Variants in LPP observed in about 807,000 individuals in gnomAD.
The protein encoded by LPP is LIM domain containing preferred translocation partner in lipoma.
In LPP, 38 loss-of-function variants were observed where a neutral mutation model predicts 60.4. The ratio of observed to expected loss-of-function variants is 0.63; its 90% CI spans 0.49 to 0.83. The LOEUF is 0.83. Among genes scored for constraint, LPP ranks in the 40% least tolerant of loss-of-function variants. The pLI is 0.00. For synonymous variants in LPP, 328 were observed against 290.8 expected (o/e 1.13, Z -1.30); for missense variants, 902 against 783.6 (o/e 1.15, Z -1.80).
At chr3:188,635,118 TC>T (rs1434039218) in intron 7 of LPP, among the ~76,000 whole-genome samples, 1 of 152,200 alleles carries the variant, frequency 6.6e-6, no homozygotes, top group Non-Finnish European at 1.5e-5. Flanking sequence ...CTTTATGGGC[TC>T]CATGTTTAAA....
intron 5 of LPP, among the ~76,000 whole-genome samples, chr3:188,499,979 T>A (rs975768480): frequency 1.3e-5 from 2 of 152,164 alleles, no homozygotes; most frequent in African/African-American, 4.8e-5. Context: ...CTTGGCTAAA[T>A]TCACTATTTA....
chr3:188,714,614 G>A (rs1422727679), intron 8 of LPP, among the ~76,000 whole-genome samples: 1 of 151,904 alleles, frequency 6.6e-6, no homozygotes, highest in Non-Finnish European at 1.5e-5. Context: ...CTTCTGGAAA[G>A]GTGATAGTTT....
chr3:188,178,221 G>A (rs1259621329), intron 1 of LPP, among the ~76,000 whole-genome samples: 2 of 152,148 alleles, frequency 1.3e-5, no homozygotes, highest in African/African-American at 2.4e-5. Context: ...AGGCAGGTTG[G>A]GAATTCTGGC....
intron 9 of LPP, among the ~76,000 whole-genome samples, chr3:188,801,501 A>G (rs1221273156): frequency 6.6e-6 from 1 of 152,174 alleles, no homozygotes; most frequent in Non-Finnish European, 1.5e-5. Context: ...TAGTCCATAG[A>G]TGATGCATTT....
At chr3:188,270,868 T>C (rs553991060) in intron 2 of LPP, among the ~76,000 whole-genome samples, 1 of 152,336 alleles carries the variant, frequency 6.6e-6, no homozygotes, top group East Asian at 1.9e-4. Context: ...TAAGAAATTG[T>C]TCTTGCAGTC....
chr3:188,601,391 T>G (rs1841140329), intron 6 of LPP, among the ~76,000 whole-genome samples: 2 of 152,214 alleles, frequency 1.3e-5, no homozygotes, highest in African/African-American at 4.8e-5. Context: ...AAGTATAAAC[T>G]TTATTAGGGC....
At chr3:188,164,824 G>C (rs1011229091) in intron 1 of LPP, among the ~76,000 whole-genome samples, 1 of 152,106 alleles carries the variant, frequency 6.6e-6, no homozygotes, top group African/African-American at 2.4e-5. Flanking sequence ...TGATACATTT[G>C]TGTATTCATT....
At chr3:188,561,169 A>G (rs919724342) in intron 6 of LPP, among the ~76,000 whole-genome samples, 1 of 152,038 alleles carries the variant, frequency 6.6e-6, no homozygotes, top group African/African-American at 2.4e-5. Flanking sequence ...CATTCTCTTC[A>G]TTTTCTAATA....
At chr3:188,595,040 A>G (rs906940980) in intron 6 of LPP, among the ~76,000 whole-genome samples, 11 of 152,168 alleles carry the variant, frequency 7.2e-5, no homozygotes, top group Non-Finnish European at 1.5e-5. Context: ...TGTTTGAATG[A>G]GAAGGTTTTT....
At chr3:188,263,039 G>A (rs1317568949) in intron 2 of LPP, among the ~76,000 whole-genome samples, 1 of 151,718 alleles carries the variant, frequency 6.6e-6, no homozygotes, top group Non-Finnish European at 1.5e-5. Flanking sequence ...TTCAGTACAT[G>A]TACAATGCTG....
At chr3:188,236,756 A>G (rs1722062190) in intron 2 of LPP, among the ~76,000 whole-genome samples, 1 of 152,208 alleles carries the variant, frequency 6.6e-6, no homozygotes, top group South Asian at 2.1e-4. Flanking sequence ...TATGCTAGCA[A>G]TTATCTGAAC....
At chr3:188,378,280 G>A (rs1775802353) in intron 3 of LPP, among the ~76,000 whole-genome samples, 3 of 152,338 alleles carry the variant, frequency 2.0e-5, no homozygotes, top group South Asian at 4.1e-4. Flanking sequence ...CTGTCTTTTT[G>A]TTTGTCTGTG....
At chr3:188,210,295 G>A (rs192062233) in intron 1 of LPP, among the ~76,000 whole-genome samples, 23 of 152,226 alleles carry the variant, frequency 1.5e-4, no homozygotes, top group Non-Finnish European at 2.8e-4. Flanking sequence ...CTGAGGGAAC[G>A]AGTGTACATA....
At position 188,609,932 on chromosome 3, in the gene LPP, GT is replaced by G. The variant is rs1843337686; in HGVS notation, c.1113+89del. On this transcript the variant is annotated intron_variant, in intron 7 of 11. Coordinates refer to ENST00000617246, the MANE Select transcript of LPP (RefSeq NM_001375462.1). This position sits in a 1 kb window ranked among gnomAD's most constrained non-coding sequence, Gnocchi z 6.9. The stretch of plus-strand genomic sequence containing the variant: ...AGGAAGCGAAGCCTAAGGCAAAAGT[GT>G]GTGTGTTACTTTTATTTCACTGACA... The G allele has an allele frequency of 2.2e-5, 28 of 1,269,686 alleles. 1 individual carries two copies. The South Asian group carries it at 4.0e-4, about 18-fold the overall frequency. The allele number at this position is 1,269,686 out of a possible 1,614,324, so 78.7% of individuals were successfully genotyped here.
At chr3:188,174,137 T>A (rs2148830137) in intron 1 of LPP, among the ~76,000 whole-genome samples, 1 of 152,334 alleles carries the variant, frequency 6.6e-6, no homozygotes, top group South Asian at 2.1e-4. Flanking sequence ...TAGAACTTAT[T>A]TCAAGAAGAT....
chr3:188,659,335 T>C (rs1854057436), intron 7 of LPP, among the ~76,000 whole-genome samples: 1 of 152,214 alleles, frequency 6.6e-6, no homozygotes, highest in Non-Finnish European at 1.5e-5. Context: ...ATTAATTACA[T>C]GTTACGTCTT....
At chr3:188,403,869 G>T (rs569893869) in intron 3 of LPP, among the ~76,000 whole-genome samples, 1 of 152,110 alleles carries the variant, frequency 6.6e-6, no homozygotes, top group East Asian at 1.9e-4. Context: ...ATGTGTCTTT[G>T]TGTGTGTGTA....
At position 188,327,329 on chromosome 3, in the gene LPP, G is replaced by T. The variant is rs371129923; in HGVS notation, c.-66-14334G>T. ...GAACATTGCCAAAAGTGTTTTTTTG[G>T]TAAGAGATATCTTAGTTATAATAAC... On this transcript the variant is annotated intron_variant, in intron 2 of 11. Coordinates refer to ENST00000617246, the MANE Select transcript of LPP (RefSeq NM_001375462.1). 9.2e-5 allele frequency among the ~76,000 whole-genome samples: 14 copies of T among 152,172 alleles called. No individual in the cohort carries two copies. The East Asian group carries it at 2.3e-3, about 25-fold the overall frequency.
At chr3:188,362,147 A>G (rs76842161) in intron 3 of LPP, among the ~76,000 whole-genome samples, 19,443 of 152,092 alleles carry the variant, frequency 0.13, 1,431 homozygotes, top group East Asian at 0.21. Context: ...GGGGTATTTG[A>G]ACAACCCTTT....
Sources: allele counts gnomAD v4.1 joint callset (sites outside exome capture counted in the v4.1 genomes callset), GRCh38; gene constraint gnomAD v4.1.1; non-coding constraint Gnocchi (gnomAD v3.1); transcripts MANE v1.5; gene names NCBI Gene and HGNC (gene_info 2026-07-23, HGNC 2026-07-21).